PKN2: variants seen among roughly 807,000 people sequenced by gnomAD.
The protein encoded by PKN2 is serine/threonine-protein kinase N2.
Under a neutral mutation model 119.1 loss-of-function variants are expected in PKN2, and 38 were observed. The observed-to-expected ratio is 0.32, with a 90% CI of 0.25 to 0.42. PKN2 has a LOEUF of 0.42. PKN2 is among the 10% of genes least tolerant of loss of function. The pLI is 1.00. For missense variants in PKN2, 850 were observed against 1,165.1 expected (o/e 0.73, Z 3.94); for synonymous variants, 390 against 384.9 (o/e 1.01, Z -0.15).
Position 88,684,504 on chromosome 1 carries a change from C to A in PKN2, c.-77C>A. ...TTCTTTCTCTCCCCTCTCCTCACCC[C>A]CACCCCGAGCCCCGTCCCGCCTTCT... On this transcript the variant is annotated 5_prime_UTR_variant, in exon 1 of 22. Transcript: ENST00000370521. 1 of 1,316,964 alleles carries A rather than the reference C, an allele frequency of 7.6e-7. No homozygotes were observed. Among genetic ancestry groups the A allele is most frequent in the Non-Finnish European group, 1.1e-6 (1 of 952,368 alleles). 81.6% of individuals were successfully genotyped at this position (1,316,964 alleles called of 1,614,324 possible).
At chr1:88,816,231 C>G (rs1671985948) in intron 16 of PKN2, among the ~76,000 whole-genome samples, 1 of 152,012 alleles carries the variant, frequency 6.6e-6, no homozygotes. Context: ...TTATGTTTAA[C>G]TATCTTAAGC....
intron 6 of PKN2, among the ~76,000 whole-genome samples, chr1:88,781,770 G>T (rs899272197): frequency 1.3e-5 from 2 of 152,048 alleles, no homozygotes; most frequent in Admixed American, 6.6e-5. Context: ...GATGTTTTCA[G>T]TTTCCCCAGG....
At chr1:88,739,582 G>C (rs1166735016) in intron 1 of PKN2, among the ~76,000 whole-genome samples, 1 of 152,164 alleles carries the variant, frequency 6.6e-6, no homozygotes, top group Non-Finnish European at 1.5e-5. Context: ...GGTACAAAAA[G>C]GCTGCACAGT....
At chr1:88,742,094 C>T (rs901745155) in intron 2 of PKN2, among the ~76,000 whole-genome samples, 11 of 151,952 alleles carry the variant, frequency 7.2e-5, no homozygotes, top group East Asian at 1.9e-4. Context: ...CAAAAACTTA[C>T]GTTTAAGTTT....
At position 88,805,577 on chromosome 1, in the gene PKN2, G is replaced by A; in HGVS notation, c.1582G>A (p.Val528Ile). The A allele has an allele frequency of 6.2e-7, 1 of 1,613,982 alleles. No individual in the cohort carries two copies. The highest frequency in any genetic ancestry group is 8.5e-7 in the Non-Finnish European group (1 of 1,179,942). The change falls in exon 11 of 22, where the codon GTA becomes ATA. Residue 528 changes from valine (V) to isoleucine (I), a missense_variant. By Grantham distance (29) the Val-to-Ile change is conservative. Transcript: ENST00000370521. ...GCTAGTAAGAAGAGCTATTCCTACA[G>A]TAAATCATTCTGGCACCTTCAGCCC... is the stretch of plus-strand genomic sequence containing the variant. ...GRLVRRAIPT[V>I]NHSGTFSPQA...
At chr1:88,741,522 C>T (rs1472496421) in intron 2 of PKN2, among the ~76,000 whole-genome samples, 1 of 152,062 alleles carries the variant, frequency 6.6e-6, no homozygotes, top group African/African-American at 2.4e-5. Flanking sequence ...TTCTCTCTTA[C>T]TCTCTATCAG....
chr1:88,690,948 C>G lies in PKN2; in HGVS notation c.48+6320C>G, dbSNP rs549769049. On this transcript the variant is annotated intron_variant, in intron 1 of 21. Transcript: ENST00000370521. The stretch of plus-strand genomic sequence containing the variant: ...TCAAATTGGTGAAAGTTTTACTGCC[C>G]TGGCTCATAAGTACCTTAATTTAAT... Among the ~76,000 whole-genome samples the G allele has an allele frequency of 2.5e-4, 38 of 152,254 alleles. No individual in the cohort carries two copies. The South Asian group carries it at 7.7e-3, about 31-fold the overall frequency.
intron 1 of PKN2, among the ~76,000 whole-genome samples, chr1:88,725,643 G>A (rs560777091): frequency 1.1e-4 from 16 of 152,216 alleles, no homozygotes; most frequent in African/African-American, 3.6e-4. Context: ...TGAATCTCCT[G>A]TTACATATGT....
At chr1:88,770,880 C>A (rs984747052) in intron 4 of PKN2, among the ~76,000 whole-genome samples, 1 of 150,276 alleles carries the variant, frequency 6.7e-6, no homozygotes, top group Non-Finnish European at 1.5e-5. Flanking sequence ...CCACCGCGCC[C>A]GGCCCTTTTT....
intron 15 of PKN2, among the ~76,000 whole-genome samples, chr1:88,811,744 TC>T (rs2100891364): frequency 6.6e-6 from 1 of 152,312 alleles, no homozygotes; most frequent in South Asian, 2.1e-4. Context: ...CTAGGATATA[TC>T]CCAAACCATA....
intron 1 of PKN2, among the ~76,000 whole-genome samples, chr1:88,712,582 G>A (rs1001224960): frequency 6.6e-5 from 10 of 152,150 alleles, no homozygotes; most frequent in African/African-American, 2.4e-4. Flanking sequence ...AATGATGTAT[G>A]TGATTCTTTC....
chr1:88,707,864 C>T (rs558261447), intron 1 of PKN2, among the ~76,000 whole-genome samples: 2 of 152,220 alleles, frequency 1.3e-5, no homozygotes, highest in South Asian at 4.1e-4. Context: ...TATCTCAGAG[C>T]ACTCTTAGAT....
intron 1 of PKN2, among the ~76,000 whole-genome samples, chr1:88,702,562 T>TA (rs982099948): frequency 2.6e-5 from 4 of 152,136 alleles, no homozygotes; most frequent in African/African-American, 7.2e-5. Context: ...AGATCAACAG[T>TA]AAAAAAAGAT....
intron 1 of PKN2, among the ~76,000 whole-genome samples, chr1:88,734,978 A>G (rs535589414): frequency 1.6e-4 from 25 of 152,218 alleles, no homozygotes; most frequent in African/African-American, 6.0e-4. Context: ...AATAGTTATT[A>G]TTTAATAGTT....
At chr1:88,727,144 G>T (rs1667928414) in intron 1 of PKN2, among the ~76,000 whole-genome samples, 1 of 148,056 alleles carries the variant, frequency 6.8e-6, no homozygotes, top group South Asian at 2.2e-4. Flanking sequence ...CATCTTGGTG[G>T]ATAGACTTTT....
intron 19 of PKN2, among the ~76,000 whole-genome samples, 191 bp from the exon 20 acceptor site, chr1:88,832,553 A>G (rs1672772018): frequency 6.6e-6 from 1 of 152,000 alleles, no homozygotes; most frequent in Non-Finnish European, 1.5e-5. Flanking sequence ...ATAGATACAT[A>G]TCTGTTGTCA....
At chr1:88,819,524 G>C (rs181051589) in intron 16 of PKN2, among the ~76,000 whole-genome samples, 5 of 152,360 alleles carry the variant, frequency 3.3e-5, no homozygotes, top group Non-Finnish European at 7.3e-5. Context: ...ACAGATGCTG[G>C]AGAGGATATG....
Position 88,758,400 on chromosome 1 carries a change from T to G in PKN2, c.350-1822T>G, listed in dbSNP as rs1669303077. Among the ~76,000 whole-genome samples, 5 of 152,244 alleles carry G rather than the reference T, an allele frequency of 3.3e-5. No homozygotes were observed. In the South Asian group the frequency reaches 1.0e-3, roughly 32 times the overall value. ...TTTTTTTTAACTTTTATTTTAAGTT[T>G]AAGGGTACCTGTGAAGATTTGTTAT... On this transcript the variant is annotated intron_variant, in intron 2 of 21. Transcript: ENST00000370521.
intron 16 of PKN2, 91 bp from the exon 17 acceptor site, chr1:88,821,850 T>C: frequency 1.1e-6 from 1 of 947,202 alleles, no homozygotes; most frequent in Non-Finnish European, 1.5e-6. Flanking sequence ...AATAAATTAA[T>C]GATAGGTCTG....
Sources: allele counts gnomAD v4.1 joint callset (sites outside exome capture counted in the v4.1 genomes callset), GRCh38; gene constraint gnomAD v4.1.1; transcripts MANE v1.5; gene names NCBI Gene and HGNC (gene_info 2026-07-23, HGNC 2026-07-21).